TMED3: variants seen among roughly 807,000 people sequenced by gnomAD.
The protein encoded by TMED3 is transmembrane p24 trafficking protein 3.
In TMED3, 9 loss-of-function variants were observed where a neutral mutation model predicts 15.0. The ratio of observed to expected loss-of-function variants is 0.60; its 90% CI spans 0.36 to 1.04. The LOEUF is 1.04. TMED3 is among the 50% of genes least tolerant of loss of function. The pLI, the probability that TMED3 is intolerant of heterozygous loss-of-function variation, is 0.01. For missense variants in TMED3, 267 were observed against 278.9 expected, an observed-to-expected ratio of 0.96 and a Z score of 0.30; for synonymous variants, 117 against 121.4, an observed-to-expected ratio of 0.96 and a Z score of 0.24.
intron 2 of TMED3, among the ~76,000 whole-genome samples, chr15:79,359,720 A>C (rs1893087137): frequency 6.6e-6 from 1 of 152,240 alleles, no homozygotes; most frequent in African/African-American, 2.4e-5. Flanking sequence ...AAATGGAGAG[A>C]AAGCACGTAT....
chr15:79,369,042 C>A (rs914623799), intron 2 of TMED3, among the ~76,000 whole-genome samples: 2 of 150,984 alleles, frequency 1.3e-5, no homozygotes, highest in East Asian at 3.9e-4. Flanking sequence ...TGCAGTGAGC[C>A]GAGATCGCAC....
chr15:79,370,582 G>A (rs569365942), intron 2 of TMED3, among the ~76,000 whole-genome samples: 1 of 152,256 alleles, frequency 6.6e-6, no homozygotes, highest in South Asian at 2.1e-4. Flanking sequence ...TTCCTAACTG[G>A]GCACTGATTG....
chr15:79,402,565 G>T (rs1303891233), intron 2 of TMED3, among the ~76,000 whole-genome samples: 1 of 151,302 alleles, frequency 6.6e-6, no homozygotes, highest in African/African-American at 2.4e-5. Context: ...GGATCACGAG[G>T]TCAGGGGTTC....
chr15:79,359,234 T>TG (rs1452263946), intron 2 of TMED3, among the ~76,000 whole-genome samples: 6 of 118,226 alleles, frequency 5.1e-5, no homozygotes, highest in African/African-American at 1.4e-4. Flanking sequence ...GGCTCAGTTT[T>TG]TTTTTTTTTT....
intron 2 of TMED3, among the ~76,000 whole-genome samples, chr15:79,409,898 C>T (rs1471056192): frequency 1.3e-5 from 2 of 152,044 alleles, no homozygotes; most frequent in African/African-American, 4.8e-5. Context: ...GTAAAATAAG[C>T]TAGAGGATAC....
At chr15:79,400,042 C>G (rs1893813495) in intron 2 of TMED3, among the ~76,000 whole-genome samples, 3 of 152,212 alleles carry the variant, frequency 2.0e-5, no homozygotes, top group African/African-American at 7.2e-5. Context: ...GGGATAAAGT[C>G]TAAACACTGC....
intron 2 of TMED3, among the ~76,000 whole-genome samples, chr15:79,331,346 A>G (rs1237405533): frequency 1.3e-5 from 2 of 152,200 alleles, no homozygotes; most frequent in African/African-American, 4.8e-5. Context: ...GAAAAAACTG[A>G]AAATCCACAT....
At chr15:79,396,537 G>A (rs1893765140) in intron 2 of TMED3, among the ~76,000 whole-genome samples, 1 of 152,204 alleles carries the variant, frequency 6.6e-6, no homozygotes, top group African/African-American at 2.4e-5. Flanking sequence ...GGTAATCTCA[G>A]GGTAGTTGGA....
chr15:79,337,364 C>A (rs1378996572), intron 2 of TMED3, among the ~76,000 whole-genome samples: 6 of 152,124 alleles, frequency 3.9e-5, no homozygotes, highest in African/African-American at 1.4e-4. Context: ...TTAATTACTT[C>A]TTTAAGCCTT....
chr15:79,395,096 G>A (rs1893746687), intron 2 of TMED3, among the ~76,000 whole-genome samples: 1 of 151,960 alleles, frequency 6.6e-6, no homozygotes. Flanking sequence ...TCTGCCTTCT[G>A]TTGGCCTGAT....
intron 2 of TMED3, among the ~76,000 whole-genome samples, chr15:79,404,767 G>A (rs996788178): frequency 1.3e-5 from 2 of 152,216 alleles, no homozygotes; most frequent in Non-Finnish European, 2.9e-5. Context: ...TTAGGGTGAT[G>A]AGCTCTGCTC....
Position 79,322,073 on chromosome 15 carries a change from A to G in TMED3, c.513A>G (p.Arg171=). The G allele has an allele frequency of 6.2e-7, 1 of 1,614,158 alleles. No individual in the cohort carries two copies. The change falls in exon 3 of 3, where the codon CGA becomes CGG. Residue 171 remains arginine (R), a synonymous_variant. Coordinates refer to ENST00000299705, the MANE Select transcript of TMED3 (RefSeq NM_007364.4). ...TGCGGGAGGCCCAGGACCGGGCCCG[A>G]GCAGAAGACCTTAATAGCCGAGTCT... The part of the protein sequence containing the change: ...YRLREAQDRA[R]AEDLNSRVSY...
At chr15:79,321,621 C>T (rs2058767124) in intron 2 of TMED3, among the ~76,000 whole-genome samples, 1 of 152,168 alleles carries the variant, frequency 6.6e-6, no homozygotes, top group Non-Finnish European at 1.5e-5. Flanking sequence ...TCAGTTTCCT[C>T]ATCTGTGTGT....
At chr15:79,385,700 CCA>C (rs1403585825) in intron 2 of TMED3, among the ~76,000 whole-genome samples, 1 of 152,168 alleles carries the variant, frequency 6.6e-6, no homozygotes, top group African/African-American at 2.4e-5. Context: ...AGATCCACAG[CCA>C]CAGTTTGGGC....
At chr15:79,367,768 A>G (rs1893264208) in intron 2 of TMED3, among the ~76,000 whole-genome samples, 1 of 152,250 alleles carries the variant, frequency 6.6e-6, no homozygotes, top group African/African-American at 2.4e-5. Context: ...TAATAAATCA[A>G]TACGTGGAAA....
At chr15:79,410,424 GGA>G (rs1436975294) in intron 2 of TMED3, among the ~76,000 whole-genome samples, 3 of 152,102 alleles carry the variant, frequency 2.0e-5, no homozygotes, top group African/African-American at 7.2e-5. Context: ...TCCTAATTGG[GGA>G]GAGCACTTGG....
intron 2 of TMED3, among the ~76,000 whole-genome samples, chr15:79,362,704 G>GT (rs1567032943): frequency 6.6e-6 from 1 of 152,054 alleles, no homozygotes; most frequent in Non-Finnish European, 1.5e-5. Flanking sequence ...AGATCTGATG[G>GT]TTTTATAAAT....
intron 2 of TMED3, among the ~76,000 whole-genome samples, chr15:79,331,984 C>T (rs957107826): frequency 7.9e-5 from 12 of 152,194 alleles, no homozygotes; most frequent in Admixed American, 2.6e-4. Flanking sequence ...ACCTGGGAGA[C>T]GGAGGCTGCT....
chr15:79,406,418 A>G (rs1893904266), intron 2 of TMED3, among the ~76,000 whole-genome samples: 1 of 152,228 alleles, frequency 6.6e-6, no homozygotes, highest in Non-Finnish European at 1.5e-5. Context: ...AATTTGGGCC[A>G]GGGCATCACA....
Sources: gnomAD v4.1 joint callset for allele counts (sites outside exome capture counted in the v4.1 genomes callset) on GRCh38, gnomAD v4.1.1 for gene constraint, MANE v1.5 for transcripts, NCBI Gene and HGNC (gene_info 2026-07-23, HGNC 2026-07-21) for gene names.